Variants in PCDHA7 observed in about 807,000 individuals in gnomAD.
The protein encoded by PCDHA7 is protocadherin alpha 7.
Under a neutral mutation model 57.2 loss-of-function variants are expected in PCDHA7, and 37 were observed. That is an observed-to-expected ratio of 0.65 (90% CI 0.50 to 0.85). The LOEUF is 0.85. Among genes scored for constraint, PCDHA7 ranks in the 40% least tolerant of loss-of-function variants. The pLI is 0.00. For missense variants in PCDHA7, 1,188 were observed against 1,241.8 expected (o/e 0.96, Z 0.65); for synonymous variants, 553 against 558.8 (o/e 0.99, Z 0.15).
chr5:140,946,634 A>ATATAT (rs1554217761), intron 1 of PCDHA7, among the ~76,000 whole-genome samples: 3 of 147,374 alleles, frequency 2.0e-5, no homozygotes, highest in Admixed American at 6.8e-5. Context: ...ATATATATAC[A>ATATAT]ATGGAATACT....
intron 1 of PCDHA7, chr5:140,857,908 G>T (rs782073504): frequency 6.3e-7 from 1 of 1,597,722 alleles, no homozygotes; most frequent in South Asian, 1.1e-5. Flanking sequence ...CACGCATCCC[G>T]TTTCGCGTGG....
intron 3 of PCDHA7, among the ~76,000 whole-genome samples, chr5:140,992,394 G>A (rs1338899804): frequency 2.0e-5 from 3 of 152,170 alleles, no homozygotes; most frequent in African/African-American, 7.2e-5. Flanking sequence ...TCTGGACTTA[G>A]AGATATTGTT....
intron 1 of PCDHA7, chr5:140,969,506 G>A (rs1262259666): frequency 2.9e-5 from 41 of 1,426,940 alleles, no homozygotes; most frequent in Non-Finnish European, 3.6e-5. Context: ...TAGAAAAATA[G>A]CACTAAAGAA....
intron 1 of PCDHA7, among the ~76,000 whole-genome samples, chr5:140,937,638 C>A (rs1563161991): frequency 6.7e-6 from 1 of 150,048 alleles, no homozygotes; most frequent in East Asian, 2.1e-4. Flanking sequence ...AAAGGCAGGG[C>A]ATGGTGGCTC....
Position 140,834,511 on chromosome 5 carries a change from A to T in PCDHA7, c.128A>T (p.Asn43Ile). 1 of 1,614,070 alleles carries T rather than the reference A, an allele frequency of 6.2e-7. No homozygotes were observed. Among genetic ancestry groups the T allele is most frequent in the East Asian group, 2.2e-5 (1 of 44,876 alleles). Reference protein sequence around the residue: ...YSVPEEAKHGNFVGRIAQDLG... With the variant: ...YSVPEEAKHGIFVGRIAQDLG... The stretch of plus-strand genomic sequence containing the variant: ...GTCCCCGAGGAGGCTAAACATGGCA[A>T]CTTCGTGGGCCGCATCGCGCAGGAC... Residue 43 changes from asparagine (N) to isoleucine (I), a missense_variant, in exon 1 of 4, where the codon AAC (asparagine) becomes ATC (isoleucine). Coordinates refer to ENST00000525929, the MANE Select transcript of PCDHA7 (RefSeq NM_018910.3).
chr5:140,884,479 C>A (rs1554181619), intron 1 of PCDHA7: 2 of 1,613,914 alleles, frequency 1.2e-6, no homozygotes, highest in African/African-American at 1.3e-5. Flanking sequence ...CGGGCAAGCC[C>A]ACTCTAGTGT....
chr5:140,969,149 G>C (rs782510891), intron 1 of PCDHA7: 3 of 1,614,120 alleles, frequency 1.9e-6, no homozygotes, highest in South Asian at 1.1e-5. Context: ...CTGCTACAAG[G>C]CCTGTCTGAC....
At chr5:140,974,291 A>G (rs1417274006) in intron 1 of PCDHA7, among the ~76,000 whole-genome samples, 1 of 152,196 alleles carries the variant, frequency 6.6e-6, no homozygotes, top group Admixed American at 6.5e-5. Context: ...CTGGGCTCCA[A>G]GGAGGTACAA....
chr5:140,969,307 A>C (rs2096316993), intron 1 of PCDHA7: 1 of 1,614,192 alleles, frequency 6.2e-7, no homozygotes, highest in Non-Finnish European at 8.5e-7. Flanking sequence ...TTATTCTCAA[A>C]AATGAGGCTG....
intron 1 of PCDHA7, chr5:140,882,030 T>G (rs1582587950): frequency 3.3e-6 from 2 of 612,804 alleles, no homozygotes; most frequent in East Asian, 5.9e-5. Flanking sequence ...CAATGGAAAA[T>G]ATGAAGACTG....
intron 2 of PCDHA7, among the ~76,000 whole-genome samples, chr5:140,980,144 T>C (rs2096877989): frequency 6.6e-6 from 1 of 152,172 alleles, no homozygotes; most frequent in Admixed American, 6.6e-5. Flanking sequence ...GAAACATTCA[T>C]GCATATACCA....
In PCDHA7 at chr5:141,009,994, C is replaced by T; in HGVS notation, c.*57C>T. 1.3e-6 allele frequency: 2 copies of T among 1,577,076 alleles called. No individual in the cohort carries two copies. Among genetic ancestry groups the T allele is most frequent in the South Asian group, 1.2e-5 (1 of 83,074 alleles). On this transcript the variant is annotated 3_prime_UTR_variant, in exon 4 of 4. Transcript: ENST00000525929. Reference sequence around the variant, plus strand: ...GTTTTTGTAATAATGGCAAATCTCTCCCATGTAGCAATTCCCTGCTCCTTT... The same window carrying T: ...GTTTTTGTAATAATGGCAAATCTCTTCCATGTAGCAATTCCCTGCTCCTTT...
intron 1 of PCDHA7, among the ~76,000 whole-genome samples, chr5:140,908,711 T>A (rs951399125): frequency 6.6e-6 from 1 of 152,144 alleles, no homozygotes; most frequent in African/African-American, 2.4e-5. Flanking sequence ...CACCATTGGA[T>A]CTGCTGGGTC....
In PCDHA7 at chr5:140,967,846, C is replaced by T. The variant is rs151021111; in HGVS notation, c.2356-11103C>T. ...TGGTGGACATCGTGGACGTGAATGA[C>T]AATGCCCCAGAGGTGGTGCTCACGG... On this transcript the variant is annotated intron_variant, in intron 1 of 3. Coordinates refer to ENST00000525929, the MANE Select transcript of PCDHA7 (RefSeq NM_018910.3). 708 of 1,614,166 alleles carry T rather than the reference C, an allele frequency of 4.4e-4. 2 individuals are homozygous for T. Among genetic ancestry groups the T allele is most frequent in the Middle Eastern group, 2.8e-3 (17 of 6,062 alleles).
Position 140,850,161 on chromosome 5 carries a change from C to T in PCDHA7, c.2355+13423C>T, listed in dbSNP as rs2150470387. On this transcript the variant is annotated intron_variant, in intron 1 of 3. Coordinates refer to ENST00000525929, the MANE Select transcript of PCDHA7 (RefSeq NM_018910.3). ...CAACGTGACGCTGCAGGTGTTCGTG[C>T]TGGACGAGAACGACAATGCGCCGGC... 20 of 1,594,886 alleles carry T rather than the reference C, an allele frequency of 1.3e-5. 1 individual carries two copies. Among genetic ancestry groups the T allele is most frequent in the Non-Finnish European group, 1.7e-5 (20 of 1,167,810 alleles).
At chr5:140,880,694 A>T (rs1254061280) in intron 1 of PCDHA7, among the ~76,000 whole-genome samples, 1 of 152,346 alleles carries the variant, frequency 6.6e-6, no homozygotes, top group South Asian at 2.1e-4. Context: ...AGTCATGGTT[A>T]AGTGACAATG....
At chr5:140,850,679 C>A in intron 1 of PCDHA7, 1 of 1,598,496 alleles carries the variant, frequency 6.3e-7, no homozygotes, top group Non-Finnish European at 8.6e-7. Flanking sequence ...CGATGCCCAC[C>A]GAGGGCGAGT....
In PCDHA7 at chr5:140,852,833, T is replaced by C; in HGVS notation, c.2355+16095T>C. 14 of 971,734 alleles carry C rather than the reference T, an allele frequency of 1.4e-5. 1 individual carries two copies. Among genetic ancestry groups the C allele is most frequent in the Non-Finnish European group, 1.5e-5 (12 of 804,770 alleles). 60.2% of individuals were successfully genotyped at this position (971,734 alleles called of 1,614,324 possible). On this transcript the variant is annotated intron_variant, in intron 1 of 3. Transcript: ENST00000525929. ...CCCGCCCTAAGTCCTCCAGTCTCCT[T>C]AGAGCTAGTACTTACTAAGCATTTA...
chr5:140,924,905 AT>A (rs1216976019), intron 1 of PCDHA7, among the ~76,000 whole-genome samples: 1,708 of 55,768 alleles, frequency 0.031, 41 homozygotes, highest in African/African-American at 0.13. Flanking sequence ...AAAAAAAAAA[AT>A]AAAATAAAAT....
Sources: allele counts gnomAD v4.1 joint callset (sites outside exome capture counted in the v4.1 genomes callset), GRCh38; gene constraint gnomAD v4.1.1; transcripts MANE v1.5; gene names NCBI Gene and HGNC (gene_info 2026-07-23, HGNC 2026-07-21).